Variants in SP140L observed in about 807,000 individuals in gnomAD.
The protein encoded by SP140L is SP140 like nuclear body protein, also known as nuclear body protein SP140-like protein.
SP140L carries 64 observed loss-of-function variants against 84.3 expected under a neutral mutation model. The ratio of observed to expected loss-of-function variants is 0.76; its 90% confidence interval spans 0.62 to 0.94. SP140L has a LOEUF of 0.94. Ranked by LOEUF, SP140L falls within the 40% of genes least tolerant of loss-of-function variation. The pLI, the probability that SP140L is intolerant of heterozygous loss-of-function variation, is 0.00. For synonymous variants in SP140L, 242 were observed against 236.9 expected, an observed-to-expected ratio of 1.02 and a Z score of -0.20; for missense variants, 628 against 692.5, an observed-to-expected ratio of 0.91 and a Z score of 1.05.
In SP140L at chr2:230,352,812, GTA is replaced by G. The variant is rs149575060; in HGVS notation, c.108-4977_108-4976del. Among the ~76,000 whole-genome samples the G allele has an allele frequency of 1.5e-3, 228 of 147,950 alleles. 1 individual carries two copies. The highest frequency in any genetic ancestry group is 2.5e-3 in the East Asian group (13 of 5,114). ...CCAAAATATGCATATGTGTATGTGTGTATATATATATATATATTTGTATACAC... is the reference window on the plus strand; with the variant it reads ...CCAAAATATGCATATGTGTATGTGTGTATATATATATATATTTGTATACAC... On this transcript the variant is annotated intron_variant, in intron 2 of 18. Coordinates refer to ENST00000415673, the MANE Select transcript of SP140L (RefSeq NM_138402.6).
At chr2:230,379,093 T>C (rs2061331615) in intron 7 of SP140L, among the ~76,000 whole-genome samples, 1 of 152,216 alleles carries the variant, frequency 6.6e-6, no homozygotes, top group African/African-American at 2.4e-5. Flanking sequence ...TTTCATATTT[T>C]TCACTCAATT....
At chr2:230,361,531 G>A in intron 4 of SP140L, 83 bp from the exon 5 acceptor site, 1 of 1,052,038 alleles carries the variant, frequency 9.5e-7, no homozygotes, top group South Asian at 1.4e-5. Context: ...CCTAATGCTG[G>A]AAATTCCTAA....
chr2:230,358,611 G>A (rs2060620219), intron 3 of SP140L, among the ~76,000 whole-genome samples: 1 of 152,094 alleles, frequency 6.6e-6, no homozygotes, highest in African/African-American at 2.4e-5. Flanking sequence ...AAGAGCAGGG[G>A]TTGCCCAGCC....
intron 3 of SP140L, among the ~76,000 whole-genome samples, 186 bp from the exon 4 acceptor site, chr2:230,358,778 T>A (rs1409742307): frequency 5.3e-5 from 8 of 152,222 alleles, no homozygotes; most frequent in African/African-American, 1.4e-4. Flanking sequence ...TCAGTGGGTA[T>A]TTTTAAGGAG....
chr2:230,371,890 T>A, intron 7 of SP140L: 3 of 471,230 alleles, frequency 6.4e-6, no homozygotes, highest in South Asian at 6.2e-5. Context: ...GGGGAGATGA[T>A]CCTGGGTTAT....
chr2:230,393,294 A>T lies in SP140L; in HGVS notation c.1108-120A>T, dbSNP rs918643771. On this transcript the variant is annotated intron_variant, in intron 12 of 18. Coordinates refer to ENST00000415673, the MANE Select transcript of SP140L (RefSeq NM_138402.6). ...GGGAGATGGTTTCTCATTCAGACAC[A>T]CTGGGTTTGAGCTGGCATTGGAACA... The T allele has an allele frequency of 1.0e-5, 11 of 1,078,958 alleles. No individual in the cohort carries two copies. In the African/African-American group the frequency reaches 1.8e-4, roughly 18 times the overall value. The allele number at this position is 1,078,958 out of a possible 1,614,324, so 66.8% of individuals were successfully genotyped here.
chr2:230,388,374 T>C (rs1444535322), intron 9 of SP140L, among the ~76,000 whole-genome samples, 185 bp from the exon 10 acceptor site: 1 of 152,196 alleles, frequency 6.6e-6, no homozygotes, highest in Non-Finnish European at 1.5e-5. Flanking sequence ...GAAAATGAAA[T>C]ATAAAGTGAA....
intron 7 of SP140L, 93 bp from the exon 8 acceptor site, chr2:230,383,417 G>A (rs1450059712): frequency 5.9e-6 from 8 of 1,363,196 alleles, no homozygotes; most frequent in Non-Finnish European, 7.9e-6. Flanking sequence ...GTGGACCAAA[G>A]TATGAAAAAA....
chr2:230,389,512 C>G (rs912731638), intron 10 of SP140L, among the ~76,000 whole-genome samples: 18 of 152,072 alleles, frequency 1.2e-4, no homozygotes, highest in African/African-American at 4.3e-4. Flanking sequence ...CCAGTCAGTG[C>G]CCAAATGGGA....
chr2:230,335,619 A>G (rs910620269), intron 2 of SP140L, among the ~76,000 whole-genome samples: 4 of 152,160 alleles, frequency 2.6e-5, no homozygotes, highest in East Asian at 1.9e-4. Context: ...GGCCTAGTGC[A>G]TAGTCATTTT....
At chr2:230,366,710 C>CAT (rs1553620448) in intron 5 of SP140L, among the ~76,000 whole-genome samples, 13,482 of 144,500 alleles carry the variant, frequency 0.093, 809 homozygotes, top group African/African-American at 0.15. Context: ...GGATTATTAT[C>CAT]TATTATTATT....
intron 5 of SP140L, among the ~76,000 whole-genome samples, chr2:230,362,403 AG>A (rs1470298269): frequency 6.6e-6 from 1 of 152,144 alleles, no homozygotes; most frequent in Non-Finnish European, 1.5e-5. Flanking sequence ...ATGGCAGAAG[AG>A]GGGACCCATT....
intron 9 of SP140L, among the ~76,000 whole-genome samples, chr2:230,388,351 A>G (rs1466698114): frequency 6.6e-6 from 1 of 152,320 alleles, no homozygotes; most frequent in Non-Finnish European, 1.5e-5. Flanking sequence ...GTTTTTTTCT[A>G]ATGTAAGAAT....
chr2:230,393,753 T>A (rs975256513), intron 13 of SP140L, among the ~76,000 whole-genome samples: 2 of 152,196 alleles, frequency 1.3e-5, no homozygotes, highest in Non-Finnish European at 2.9e-5. Flanking sequence ...TGTAAGAGTG[T>A]CAAAGTTGGA....
chr2:230,355,108 C>G (rs1277990240), intron 2 of SP140L, among the ~76,000 whole-genome samples: 5 of 151,672 alleles, frequency 3.3e-5, no homozygotes, highest in African/African-American at 1.2e-4. Context: ...TCCTGACCAG[C>G]GAAATAAGAT....
chr2:230,366,921 TG>T (rs1360757180), intron 5 of SP140L, among the ~76,000 whole-genome samples: 1 of 151,980 alleles, frequency 6.6e-6, no homozygotes, highest in South Asian at 2.1e-4. Flanking sequence ...TTAGGTGAGA[TG>T]GGGTTTCACC....
At chr2:230,333,027 T>C (rs926543073) in intron 2 of SP140L, among the ~76,000 whole-genome samples, 1 of 152,220 alleles carries the variant, frequency 6.6e-6, no homozygotes, top group Non-Finnish European at 1.5e-5. Context: ...AGATCATTCA[T>C]ATCTGGAAAA....
chr2:230,328,737 C>T lies in SP140L; in HGVS notation c.33-20C>T, dbSNP rs746668333. The T allele has an allele frequency of 6.2e-7, 1 of 1,609,746 alleles. No individual in the cohort carries two copies. Among genetic ancestry groups the T allele is most frequent in the African/African-American group, 1.3e-5 (1 of 74,950 alleles). On this transcript the variant is annotated intron_variant, in intron 1 of 18. Transcript: ENST00000415673. ...GCTGTTATTTACTTGTTTATAGATC[C>T]TGCCAAATTGTCTTTTTAGGGGGCT...
chr2:230,397,730 T>G (rs1378514831), intron 14 of SP140L, among the ~76,000 whole-genome samples: 3 of 152,146 alleles, frequency 2.0e-5, no homozygotes, highest in Non-Finnish European at 4.4e-5. Context: ...TCAAATAGTT[T>G]TATACACACC....
Sources: allele counts gnomAD v4.1 joint callset (sites outside exome capture counted in the v4.1 genomes callset), GRCh38; gene constraint gnomAD v4.1.1; transcripts MANE v1.5; gene names NCBI Gene and HGNC (gene_info 2026-07-23, HGNC 2026-07-21).